MAST4: variants seen among roughly 807,000 people sequenced by gnomAD.
MAST4 encodes microtubule-associated serine/threonine-protein kinase 4.
In MAST4, 89 loss-of-function variants were observed where a neutral mutation model predicts 162.7. The observed-to-expected ratio is 0.55, with a 90% CI of 0.46 to 0.65. MAST4 has a LOEUF of 0.65. Ranked by LOEUF, MAST4 falls within the 30% of genes least tolerant of loss-of-function variation. The probability of loss-of-function intolerance (pLI) is 0.00; values close to 1 mark genes in which losing one functional copy is unlikely to be tolerated. For synonymous variants in MAST4, 1,479 were observed against 1,361.1 expected (o/e 1.09, Z -1.91); for missense variants, 3,153 against 3,374.0 (o/e 0.93, Z 1.62).
chr5:66,790,186 T>C (rs1332078591), intron 3 of MAST4, among the ~76,000 whole-genome samples: 1 of 152,126 alleles, frequency 6.6e-6, no homozygotes, highest in Non-Finnish European at 1.5e-5. Flanking sequence ...TATAATTTTA[T>C]GCATTGGTAA....
chr5:67,152,952 A>G, intron 25 of MAST4, 86 bp downstream of exon 25: 2 of 1,116,382 alleles, frequency 1.8e-6, no homozygotes, highest in East Asian at 2.6e-5. Flanking sequence ...TAGCAAATAT[A>G]TTTACTTTTA....
chr5:66,797,248 G>T (rs184941123), intron 3 of MAST4, among the ~76,000 whole-genome samples: 50 of 152,292 alleles, frequency 3.3e-4, no homozygotes, highest in African/African-American at 1.2e-3. Context: ...TTGGGGGAAA[G>T]ATTTTGGGAT....
In MAST4 at chr5:66,722,453, G is replaced by GGT. The variant is rs1554046143; in HGVS notation, c.364-37256_364-37255insGT. Among the ~76,000 whole-genome samples the GGT allele has an allele frequency of 7.8e-5, 11 of 141,908 alleles. No homozygotes were observed. In the South Asian group the frequency reaches 1.3e-3, roughly 17 times the overall value. The allele number at this position is 141,908 out of a possible 152,430, so 93.1% of individuals were successfully genotyped here. A position where few individuals can be genotyped will look rare whatever the true frequency, so the allele number is the denominator to read the frequency against. ...TCCTTACTCATTTACCTGGTTCTGG[G>GGT]TTTTTTTTTTTTTACATAGTATTTT... On this transcript the variant is annotated intron_variant, in intron 1 of 28. Transcript: ENST00000403625.
chr5:66,864,757 C>T (rs1276124734), intron 3 of MAST4, among the ~76,000 whole-genome samples: 1 of 151,900 alleles, frequency 6.6e-6, no homozygotes, highest in Non-Finnish European at 1.5e-5. Context: ...AGTTCCTTCC[C>T]TCAGCCAGCA....
intron 4 of MAST4, among the ~76,000 whole-genome samples, chr5:67,034,470 G>A (rs1755760578): frequency 6.6e-6 from 1 of 152,110 alleles, no homozygotes; most frequent in African/African-American, 2.4e-5. Flanking sequence ...CCTAACTTAT[G>A]TGTTTGCTCC....
chr5:67,002,238 C>T (rs1169660567), intron 4 of MAST4, among the ~76,000 whole-genome samples: 1 of 152,138 alleles, frequency 6.6e-6, no homozygotes, highest in Non-Finnish European at 1.5e-5. Flanking sequence ...AGAAAGTCTT[C>T]AGAATTTACC....
At chr5:67,018,292 T>C (rs1460603188) in intron 4 of MAST4, among the ~76,000 whole-genome samples, 1 of 152,144 alleles carries the variant, frequency 6.6e-6, no homozygotes, top group Non-Finnish European at 1.5e-5. Flanking sequence ...TCCAGCACTT[T>C]TGAGAGGCAG....
intron 1 of MAST4, among the ~76,000 whole-genome samples, chr5:66,748,965 G>C (rs1752961198): frequency 6.6e-6 from 1 of 151,998 alleles, no homozygotes; most frequent in Non-Finnish European, 1.5e-5. Context: ...AAGGGGCCTT[G>C]CATATTCTTC....
At chr5:66,620,433 G>C (rs889676612) in intron 1 of MAST4, among the ~76,000 whole-genome samples, 2 of 152,094 alleles carry the variant, frequency 1.3e-5, no homozygotes, top group African/African-American at 4.8e-5. Context: ...AAGTATCATT[G>C]TGTGAAATTA....
intron 17 of MAST4, 24 bp from the exon 18 acceptor site, chr5:67,134,499 T>G: frequency 6.2e-7 from 1 of 1,600,228 alleles, no homozygotes; most frequent in Non-Finnish European, 8.5e-7. Flanking sequence ...TTCCAATTAT[T>G]CTAATATTGC....
At chr5:66,960,140 G>A (rs1269808058) in intron 4 of MAST4, among the ~76,000 whole-genome samples, 1 of 152,200 alleles carries the variant, frequency 6.6e-6, no homozygotes, top group Non-Finnish European at 1.5e-5. Context: ...ACATTTCAGT[G>A]AATTCTGTAC....
At chr5:66,894,028 G>T (rs1762525205) in intron 3 of MAST4, among the ~76,000 whole-genome samples, 1 of 152,146 alleles carries the variant, frequency 6.6e-6, no homozygotes, top group African/African-American at 2.4e-5. Context: ...GCTTTGTCAA[G>T]TAGTGAGAAC....
chr5:66,870,197 T>C (rs1483324211), intron 3 of MAST4, among the ~76,000 whole-genome samples: 1 of 152,208 alleles, frequency 6.6e-6, no homozygotes, highest in Admixed American at 6.5e-5. Context: ...AATCTCTGTT[T>C]CAGCCAATAA....
At chr5:66,640,013 A>G (rs1396192278) in intron 1 of MAST4, among the ~76,000 whole-genome samples, 1 of 152,162 alleles carries the variant, frequency 6.6e-6, no homozygotes, top group Admixed American at 6.6e-5. Flanking sequence ...TATAGTCCCC[A>G]TGCTGTACAT....
intron 4 of MAST4, among the ~76,000 whole-genome samples, chr5:66,941,174 A>G (rs942558898): frequency 2.0e-5 from 3 of 152,114 alleles, no homozygotes; most frequent in Admixed American, 2.0e-4. Flanking sequence ...GATTTTCAGA[A>G]TGGTAAATGA....
intron 4 of MAST4, among the ~76,000 whole-genome samples, chr5:66,959,821 G>A (rs1397505124): frequency 6.6e-6 from 1 of 151,772 alleles, no homozygotes; most frequent in Non-Finnish European, 1.5e-5. Context: ...GCCACTGCAT[G>A]CAATGTGTTT....
intron 3 of MAST4, among the ~76,000 whole-genome samples, chr5:66,891,508 A>G (rs1033250691): frequency 6.6e-6 from 1 of 152,054 alleles, no homozygotes; most frequent in Non-Finnish European, 1.5e-5. Context: ...CCCCTCTTTA[A>G]AATGTTCCAT....
intron 3 of MAST4, among the ~76,000 whole-genome samples, chr5:66,800,590 G>A (rs1309603731): frequency 1.3e-5 from 2 of 151,926 alleles, no homozygotes; most frequent in African/African-American, 4.8e-5. Flanking sequence ...ATAACTAATG[G>A]GTACTGGGAT....
intron 3 of MAST4, among the ~76,000 whole-genome samples, chr5:66,801,796 A>C (rs77263248): frequency 0.028 from 4,247 of 152,340 alleles, 129 homozygotes; most frequent in South Asian, 0.13. Context: ...TAATTATGTT[A>C]ATTAGAATGT....
Sources: allele counts gnomAD v4.1 joint callset (sites outside exome capture counted in the v4.1 genomes callset), GRCh38; gene constraint gnomAD v4.1.1; transcripts MANE v1.5; gene names NCBI Gene and HGNC (gene_info 2026-07-23, HGNC 2026-07-21).